Variants in NLRP5 observed in about 807,000 individuals in gnomAD.
The protein encoded by NLRP5 is NLR family pyrin domain containing 5.
Under a neutral mutation model 113.1 loss-of-function variants are expected in NLRP5, and 93 were observed. The ratio of observed to expected loss-of-function variants is 0.82; its 90% CI spans 0.70 to 0.98. The LOEUF (loss-of-function observed/expected upper bound fraction) is 0.98. NLRP5 is among the 50% of genes least tolerant of loss of function. NLRP5 has a pLI of 0.00. For synonymous variants in NLRP5, 751 were observed against 600.7 expected (o/e 1.25, Z -3.66); for missense variants, 1,808 against 1,514.3 (o/e 1.19, Z -3.22).
At chr19:56,025,998 C>A (rs1394574573) in intron 6 of NLRP5, among the ~76,000 whole-genome samples, 1 of 152,090 alleles carries the variant, frequency 6.6e-6, no homozygotes, top group East Asian at 1.9e-4. Flanking sequence ...AGACCATCAG[C>A]AAATACAGCG....
At chr19:56,006,241 C>T (rs1981904943) in intron 2 of NLRP5, among the ~76,000 whole-genome samples, 1 of 151,936 alleles carries the variant, frequency 6.6e-6, no homozygotes, top group Admixed American at 6.6e-5. Flanking sequence ...CGCTTGGACA[C>T]AGGAAGGGGA....
rs893613522 is a variant in NLRP5, at chr19:56,058,240, G to C, written c.3300G>C (p.Gly1100=). Residue 1100 remains glycine, a splice_region_variant and synonymous_variant, in exon 14 of 15, where the codon GGG becomes GGC. Coordinates refer to ENST00000390649, the MANE Select transcript of NLRP5 (RefSeq NM_153447.4). The stretch of plus-strand genomic sequence containing the variant: ...TTTTCTGGGTGTCCTGACCCTGCAG[G>C]TTGAAGGCATGTGGACTGACTTCTG... The C allele has an allele frequency of 6.2e-7, 1 of 1,612,434 alleles. No homozygotes were observed. The highest frequency in any genetic ancestry group is 8.5e-7 in the Non-Finnish European group (1 of 1,179,100).
At chr19:56,044,533 T>C (rs1983650610) in intron 11 of NLRP5, among the ~76,000 whole-genome samples, 1 of 152,180 alleles carries the variant, frequency 6.6e-6, no homozygotes, top group African/African-American at 2.4e-5. Flanking sequence ...TGTAAGTATT[T>C]GGGTTTATTT....
Position 56,027,514 on chromosome 19 carries a change from G to A in NLRP5, c.1281G>A (p.Leu427=), listed in dbSNP as rs777935175. ...CAGAGGTCGTGTCTCCCCGTTACCT[G>A]TTAGTTAGAGGAATCTCCGGGGAAC... is the stretch of plus-strand genomic sequence containing the variant. The change falls in exon 7 of 15, where the codon CTG becomes CTA. Residue 427 remains leucine, a synonymous_variant. Coordinates refer to ENST00000390649, the MANE Select transcript of NLRP5 (RefSeq NM_153447.4). 3.7e-6 allele frequency: 6 copies of A among 1,613,862 alleles called. No homozygotes were observed. Among genetic ancestry groups the A allele is most frequent in the East Asian group, 2.2e-5 (1 of 44,874 alleles).
chr19:56,030,711 C>CTTTTTTTTTTTTT lies in NLRP5; in HGVS notation c.2277-1898_2277-1897insTTTTTTTTTTTTT, dbSNP rs1251579019. Among the ~76,000 whole-genome samples, 212 of 47,722 alleles carry CTTTTTTTTTTTTT rather than the reference C, an allele frequency of 4.4e-3. 4 individuals carry two copies. Among genetic ancestry groups the CTTTTTTTTTTTTT allele is most frequent in the East Asian group, 5.5e-3 (8 of 1,458 alleles). The allele number at this position is 47,722 out of a possible 152,430, so 31.3% of individuals were successfully genotyped here. On this transcript the variant is annotated intron_variant, in intron 7 of 14. Transcript: ENST00000390649. ...TATACTTACATTCATTCGCTTTCTT[C>CTTTTTTTTTTTTT]TTCTTTTTTTTTTTTTTTTTTGAGA...
At chr19:56,005,832 G>A (rs1981888784) in intron 2 of NLRP5, among the ~76,000 whole-genome samples, 1 of 152,186 alleles carries the variant, frequency 6.6e-6, no homozygotes, top group South Asian at 2.1e-4. Flanking sequence ...GCACTGCACT[G>A]AAACTGTCAT....
chr19:56,049,933 C>G (rs986855279), intron 11 of NLRP5, among the ~76,000 whole-genome samples: 3 of 151,940 alleles, frequency 2.0e-5, no homozygotes, highest in African/African-American at 7.3e-5. Context: ...TGTCATATTA[C>G]CAGAGTTGGT....
rs199601197 is a variant in NLRP5 at position 56,023,469 on chromosome 19, A to G, written c.679+3038A>G. 3.9e-4 allele frequency among the ~76,000 whole-genome samples: 59 copies of G among 152,332 alleles called. 2 individuals carry two copies. The highest frequency in any genetic ancestry group is 1.4e-3 in the East Asian group (7 of 5,182). On this transcript the variant is annotated intron_variant, in intron 6 of 14. Transcript: ENST00000390649. ...AACTAACCATCGATCAAAAATATTC[A>G]GGAAAACTCCACAAAGTTCCAAAAA... is the stretch of plus-strand genomic sequence containing the variant.
chr19:56,046,872 C>T (rs187375825), intron 11 of NLRP5, among the ~76,000 whole-genome samples: 34 of 152,304 alleles, frequency 2.2e-4, no homozygotes, highest in African/African-American at 7.2e-4. Flanking sequence ...TCTGTGAATC[C>T]GTCTGGTCCT....
At chr19:55,996,992 C>T (rs1448810715), upstream of NLRP5, among the ~76,000 whole-genome samples, 1 of 149,712 alleles carries the variant, frequency 6.7e-6, no homozygotes, top group Non-Finnish European at 1.5e-5. Flanking sequence ...TCCTCTCTAG[C>T]ACCTGTTGTT....
At chr19:55,990,079 C>CTTTTTTTT in the NLRP5 span, among the ~76,000 whole-genome samples, 28 of 95,952 alleles carry the variant, frequency 2.9e-4, no homozygotes, top group Non-Finnish European at 4.8e-4. Context: ...TTTCTTTTTT[C>CTTTTTTTT]TTTTTTTTTT....
chr19:56,007,900 CGTGCGTGTGTGTGTGTGTGT>C lies in NLRP5; in HGVS notation c.443-884_443-865del, dbSNP rs1337020111. Among the ~76,000 whole-genome samples the C allele has an allele frequency of 1.1e-4, 9 of 79,424 alleles. 1 individual carries two copies. The highest frequency in any genetic ancestry group is 2.2e-4 in the Non-Finnish European group (9 of 41,256). 52.1% of individuals were successfully genotyped at this position (79,424 alleles called of 152,430 possible). ...GTGTGTGTGTGTGTGCGCGTGCGCGCGTGCGTGTGTGTGTGTGTGTGTGTGTGTGTGTGTTTGAAACAGAG... is the reference window on the plus strand; with the variant it reads ...GTGTGTGTGTGTGTGCGCGTGCGCGCGTGTGTGTGTGTGTTTGAAACAGAG... On this transcript the variant is annotated intron_variant, in intron 2 of 14. Coordinates refer to ENST00000390649, the MANE Select transcript of NLRP5 (RefSeq NM_153447.4).
At chr19:56,026,820 C>A (rs1347631834) in intron 6 of NLRP5, 93 bp from the exon 7 acceptor site, 5 of 1,308,036 alleles carry the variant, frequency 3.8e-6, no homozygotes, top group Non-Finnish European at 5.2e-6. Flanking sequence ...AGGTGATATG[C>A]CCATCTTGAC....
chr19:56,042,034 G>A (rs1482768541), intron 11 of NLRP5, among the ~76,000 whole-genome samples: 1 of 152,168 alleles, frequency 6.6e-6, no homozygotes, highest in Non-Finnish European at 1.5e-5. Flanking sequence ...AAAGGACATT[G>A]TTGACAGTGG....
At chr19:56,010,782 A>G (rs7257430) in intron 3 of NLRP5, among the ~76,000 whole-genome samples, 5,004 of 117,060 alleles carry the variant, frequency 0.043, 358 homozygotes, top group African/African-American at 0.13. Flanking sequence ...CCAACCCAAT[A>G]AATGCAGTTT....
Position 56,003,726 on chromosome 19 carries a change from C to T in NLRP5, c.73C>T (p.Leu25Phe), listed in dbSNP as rs917070859. ...AGATCCTCTTTTAAGTCTTGTCACT[C>T]TTTCCACAGGTCCTACTTGCTCTAT... The change falls in exon 2 of 15, where the codon CTT (leucine) becomes TTT (phenylalanine). Residue 25 changes from leucine to phenylalanine, a missense_variant. Coordinates refer to ENST00000390649, the MANE Select transcript of NLRP5 (RefSeq NM_153447.4). 6.3e-6 allele frequency: 10 copies of T among 1,597,186 alleles called. No homozygotes were observed. Among genetic ancestry groups the T allele is most frequent in the Non-Finnish European group, 7.7e-6 (9 of 1,173,132 alleles).
intron 4 of NLRP5, among the ~76,000 whole-genome samples, chr19:56,017,899 C>G (rs1982469356): frequency 6.6e-6 from 1 of 152,204 alleles, no homozygotes; most frequent in African/African-American, 2.4e-5. Flanking sequence ...CTGCAACCTC[C>G]ACGTCCCAGG....
chr19:56,011,158 A>AAAATATATAT (rs372922763), intron 3 of NLRP5, among the ~76,000 whole-genome samples: 6 of 145,124 alleles, frequency 4.1e-5, no homozygotes, highest in African/African-American at 1.5e-4. Context: ...GTCTTTAAAA[A>AAAATATATAT]ATATATATAC....
chr19:56,033,634 C>T lies in NLRP5; in HGVS notation c.2540C>T (p.Thr847Ile), dbSNP rs376973228. Residue 847 changes from threonine (T) to isoleucine (I), a missense_variant, in exon 9 of 15, where the codon ACC (threonine) becomes ATC (isoleucine). By Grantham distance (89) the Thr-to-Ile change is moderately conservative. Transcript: ENST00000390649. ...CTAAGATCCCTCAACTTGGGAGGCA[C>T]CCACCTGAAGGAAGAGGATGTAAGG... 5.0e-6 allele frequency: 8 copies of T among 1,613,630 alleles called. No individual in the cohort carries two copies. The highest frequency in any genetic ancestry group is 4.0e-5 in the African/African-American group (3 of 74,912).
Sources: allele counts gnomAD v4.1 joint callset (sites outside exome capture counted in the v4.1 genomes callset), GRCh38; gene constraint gnomAD v4.1.1; transcripts MANE v1.5; gene names NCBI Gene and HGNC (gene_info 2026-07-23, HGNC 2026-07-21).